Variants in CARS1 observed in about 807,000 individuals in gnomAD.
CARS1 encodes the protein cysteine--tRNA ligase, cytoplasmic.
CARS1 carries 48 observed loss-of-function variants against 106.2 expected under a neutral mutation model. The ratio of observed to expected loss-of-function variants is 0.45; its 90% CI spans 0.36 to 0.57. The LOEUF (loss-of-function observed/expected upper bound fraction) is 0.57. Among genes scored for constraint, CARS1 ranks in the 20% least tolerant of loss-of-function variants. The pLI is 0.00. For missense variants in CARS1, 968 were observed against 1,057.2 expected (o/e 0.92, Z 1.17); for synonymous variants, 409 against 403.4 (o/e 1.01, Z -0.17).
rs1003684581 is a variant in CARS1, at chr11:3,008,561, G to A, written c.2069-1602C>T. On this transcript the variant is annotated intron_variant, in intron 18 of 22. Coordinates refer to ENST00000380525, the MANE Select transcript of CARS1 (RefSeq NM_001014437.3). The surrounding 1 kb of genome is among the most constrained non-coding windows in gnomAD (Gnocchi z 5.1). ...TTGAACCAGGGAGTCGGAGGTTGCA[G>A]TGGGCCAAGATGACACCACTGCACT... The A allele has an allele frequency of 6.6e-6, 1 of 151,426 alleles. No homozygotes were observed. Among genetic ancestry groups the A allele is most frequent in the Non-Finnish European group, 1.5e-5 (1 of 67,980 alleles). The allele number at this position is 151,426 out of a possible 1,614,324, so 9.4% of individuals were successfully genotyped here. A position where few individuals can be genotyped will look rare whatever the true frequency, so the allele number is the denominator to read the frequency against.
In CARS1 at chr11:3,019,611, G is replaced by A. The variant is rs1457234174; in HGVS notation, c.1267-344C>T. On this transcript the variant is annotated intron_variant, in intron 11 of 22. Coordinates refer to ENST00000380525, the MANE Select transcript of CARS1 (RefSeq NM_001014437.3). The surrounding 1 kb of genome is among the most constrained non-coding windows in gnomAD (Gnocchi z 6.2). ...CCCAGCTACTCAGGAGGCTGAGGCAGGAGAATTGCTTGAACCGGGACTAGG... is the reference window on the plus strand; with the variant it reads ...CCCAGCTACTCAGGAGGCTGAGGCAAGAGAATTGCTTGAACCGGGACTAGG... Among the ~76,000 whole-genome samples, 1 of 152,056 alleles carries A rather than the reference G, an allele frequency of 6.6e-6. No individual in the cohort carries two copies. Among genetic ancestry groups the A allele is most frequent in the Non-Finnish European group, 1.5e-5 (1 of 68,012 alleles).
rs140016164 is a variant in CARS1 at position 3,044,482 on chromosome 11, C to T, written c.275-2226G>A. 9.8e-3 allele frequency among the ~76,000 whole-genome samples: 1,487 copies of T among 152,030 alleles called. 2 individuals are homozygous for T. The highest frequency in any genetic ancestry group is 0.029 in the South Asian group (140 of 4,816). On this transcript the variant is annotated intron_variant, in intron 2 of 22. Coordinates refer to ENST00000380525, the MANE Select transcript of CARS1 (RefSeq NM_001014437.3). The surrounding 1 kb of genome is among the most constrained non-coding windows in gnomAD (Gnocchi z 4.4). ...CGCAATCTCAACTCACTGCAACCTC[C>T]GCCTCCTGAGTTCAAGCGATTATCC...
At position 3,037,915 on chromosome 11, in the gene CARS1, A is replaced by T; in HGVS notation, c.801+135T>A. The T allele has an allele frequency of 1.1e-6, 1 of 873,118 alleles. No homozygotes were observed. Among genetic ancestry groups the T allele is most frequent in the Non-Finnish European group, 1.7e-6 (1 of 576,950 alleles). The allele number at this position is 873,118 out of a possible 1,614,324, so 54.1% of individuals were successfully genotyped here. ...CCACCGCAGAACAGGGCCGCCTGCCACAGTGGAGCTACTGGAGACACAGAG... is the reference window on the plus strand; with the variant it reads ...CCACCGCAGAACAGGGCCGCCTGCCTCAGTGGAGCTACTGGAGACACAGAG... On this transcript the variant is annotated intron_variant, in intron 7 of 22. Coordinates refer to ENST00000380525, the MANE Select transcript of CARS1 (RefSeq NM_001014437.3). The surrounding 1 kb of genome is among the most constrained non-coding windows in gnomAD (Gnocchi z 5.9).
At chr11:3,015,560 C>A (rs1850903024) in intron 17 of CARS1, among the ~76,000 whole-genome samples, 1 of 152,232 alleles carries the variant, frequency 6.6e-6, no homozygotes. Context: ...TGGCAAAGTG[C>A]CCCAAACCAA....
In CARS1 at chr11:3,018,754, G is replaced by A. The variant is rs779549395; in HGVS notation, c.1396-5C>T. 4.6e-5 allele frequency: 74 copies of A among 1,612,658 alleles called. No individual in the cohort carries two copies. The highest frequency in any genetic ancestry group is 1.7e-4 in the Middle Eastern group (1 of 6,060). On this transcript the variant is annotated splice_region_variant and splice_polypyrimidine_tract_variant and intron_variant, in intron 12 of 22. Transcript: ENST00000380525. The stretch of plus-strand genomic sequence containing the variant: ...GCAGTCGTTTTCAAAGTAGGCCTGC[G>A]TGGAAAGAGACAAAGGATGTCAACA...
In CARS1 at chr11:3,018,614, G is replaced by A. The variant is rs778423097; in HGVS notation, c.1525+6C>T. ...TGGGGGGTCTGTGGGAGAAGCCAGT[G>A]TATACCTGAGTGCTTTTTCAAGGCA... On this transcript the variant is annotated splice_donor_region_variant and intron_variant, in intron 13 of 22. Coordinates refer to ENST00000380525, the MANE Select transcript of CARS1 (RefSeq NM_001014437.3). The A allele has an allele frequency of 2.5e-6, 4 of 1,614,190 alleles. No homozygotes were observed. The highest frequency in any genetic ancestry group is 3.4e-6 in the Non-Finnish European group (4 of 1,180,020).
rs1407211118 is a variant in CARS1, at chr11:3,048,279, A to T, written c.26-278T>A. ...AGGCTGCATGACAACATCATGCGCC[A>T]AATACCACAGAATTGTGTACTTTTC... On this transcript the variant is annotated intron_variant, in intron 1 of 22. Coordinates refer to ENST00000380525, the MANE Select transcript of CARS1 (RefSeq NM_001014437.3). This position sits in a 1 kb window ranked among gnomAD's most constrained non-coding sequence, Gnocchi z 5.1. 2 of 387,432 alleles carry T rather than the reference A, an allele frequency of 5.2e-6. No individual in the cohort carries two copies. The highest frequency in any genetic ancestry group is 4.0e-5 in the African/African-American group (2 of 50,064). The allele number at this position is 387,432 out of a possible 1,614,324, so 24.0% of individuals were successfully genotyped here.
chr11:3,017,766 C>T lies in CARS1; in HGVS notation c.1727+91G>A, dbSNP rs756515974. 8 of 850,686 alleles carry T rather than the reference C, an allele frequency of 9.4e-6. No individual in the cohort carries two copies. Among genetic ancestry groups the T allele is most frequent in the South Asian group, 5.9e-5 (4 of 68,036 alleles). 52.7% of individuals were successfully genotyped at this position (850,686 alleles called of 1,614,324 possible). ...TACGACAGTGTCCCCAGCCCTTCCT[C>T]GACAGTCCAGGACACATGGTGGCCA... On this transcript the variant is annotated intron_variant, in intron 15 of 22. Coordinates refer to ENST00000380525, the MANE Select transcript of CARS1 (RefSeq NM_001014437.3). The surrounding 1 kb of genome is among the most constrained non-coding windows in gnomAD (Gnocchi z 4.9).
Position 3,017,380 on chromosome 11 carries a change from C to T in CARS1, c.1728-85G>A, listed in dbSNP as rs182424656. The T allele has an allele frequency of 3.3e-4, 411 of 1,231,624 alleles. 1 individual carries two copies. In the East Asian group the frequency reaches 7.2e-3, roughly 22 times the overall value. 76.3% of individuals were successfully genotyped at this position (1,231,624 alleles called of 1,614,324 possible). ...CCATGTGGCCAGGCGCAGTGGCTCA[C>T]GCCTATAATCCCAGCACTTTGGGAG... On this transcript the variant is annotated intron_variant, in intron 15 of 22. Transcript: ENST00000380525. The surrounding 1 kb of genome is among the most constrained non-coding windows in gnomAD (Gnocchi z 4.9).
chr11:3,042,265 C>A lies in CARS1; in HGVS notation c.275-9G>T, dbSNP rs1554977013. 3 of 1,608,058 alleles carry A rather than the reference C, an allele frequency of 1.9e-6. No individual in the cohort carries two copies. Among genetic ancestry groups the A allele is most frequent in the Admixed American group, 1.7e-5 (1 of 59,942 alleles). ...CACACGCCGGCCTTTGCCTGGGAGG[C>A]AGAGAGAGCAGGATCAGGGTCCAGG... is the stretch of plus-strand genomic sequence containing the variant. On this transcript the variant is annotated splice_polypyrimidine_tract_variant and intron_variant, in intron 2 of 22. Coordinates refer to ENST00000380525, the MANE Select transcript of CARS1 (RefSeq NM_001014437.3).
In CARS1 at chr11:3,028,301, C is replaced by A. The variant is rs924687757; in HGVS notation, c.1031+695G>T. The A allele has an allele frequency of 4.9e-5, 26 of 531,782 alleles. No homozygotes were observed. The East Asian group carries it at 1.2e-3, about 25-fold the overall frequency. The allele number at this position is 531,782 out of a possible 1,614,324, so 32.9% of individuals were successfully genotyped here. On this transcript the variant is annotated intron_variant, in intron 9 of 22. Transcript: ENST00000380525. The surrounding 1 kb of genome is among the most constrained non-coding windows in gnomAD (Gnocchi z 4.4). ...TATCAGTGCAGCCTGGCATTCGGGG[C>A]CACTACCGGTCTCCGCGTCTTGGTG...
chr11:3,020,673 G>A lies in CARS1; in HGVS notation c.1154-341C>T, dbSNP rs1851489842. Among the ~76,000 whole-genome samples, 1 of 152,154 alleles carries A rather than the reference G, an allele frequency of 6.6e-6. No individual in the cohort carries two copies. The highest frequency in any genetic ancestry group is 1.9e-4 in the East Asian group (1 of 5,190). On this transcript the variant is annotated intron_variant, in intron 10 of 22. Coordinates refer to ENST00000380525, the MANE Select transcript of CARS1 (RefSeq NM_001014437.3). This position sits in a 1 kb window ranked among gnomAD's most constrained non-coding sequence, Gnocchi z 4.6. ...CTAGGACAAGTGATAAGAACCCTGG[G>A]CTAAAGCTAGGAGGTGACATAGTGG...
rs1163165170 is a variant in CARS1, at chr11:3,046,520, G to A, written c.274+1233C>T. Among the ~76,000 whole-genome samples the A allele has an allele frequency of 6.6e-6, 1 of 152,192 alleles. No homozygotes were observed. Among genetic ancestry groups the A allele is most frequent in the East Asian group, 1.9e-4 (1 of 5,188 alleles). ...CGGCCTCTGCCCTACGCTGGGGAAG[G>A]AGTGTCTGCTGCAGAGTTATCCAGA... On this transcript the variant is annotated intron_variant, in intron 2 of 22. Transcript: ENST00000380525. This position sits in a 1 kb window ranked among gnomAD's most constrained non-coding sequence, Gnocchi z 5.8.
chr11:3,055,144 A>G, intron 1 of CARS1: 1 of 594,666 alleles, frequency 1.7e-6, no homozygotes, highest in Non-Finnish European at 3.0e-6. Flanking sequence ...GAAGATGGTC[A>G]CTGAAAGCAT....
At position 3,034,163 on chromosome 11, in the gene CARS1, T is replaced by C. The variant is rs758601760; in HGVS notation, c.801+3887A>G. ...ATGTAACAGAGATGAATTCGTGTCTTAGTCTGTTTTCTGTTTTTTTGTTTG... is the reference window on the plus strand; with the variant it reads ...ATGTAACAGAGATGAATTCGTGTCTCAGTCTGTTTTCTGTTTTTTTGTTTG... On this transcript the variant is annotated intron_variant, in intron 7 of 22. Coordinates refer to ENST00000380525, the MANE Select transcript of CARS1 (RefSeq NM_001014437.3). This position sits in a 1 kb window ranked among gnomAD's most constrained non-coding sequence, Gnocchi z 6.3. 6.8e-6 allele frequency among the ~76,000 whole-genome samples: 1 copy of C among 147,124 alleles called. No homozygotes were observed. Among genetic ancestry groups the C allele is most frequent in the Non-Finnish European group, 1.5e-5 (1 of 66,102 alleles).
At chr11:3,005,217 C>G (rs1197354929) in intron 20 of CARS1, 149 bp downstream of exon 20, 2 of 548,764 alleles carry the variant, frequency 3.6e-6, no homozygotes, top group East Asian at 6.9e-5. Flanking sequence ...TTAGAAGATA[C>G]TAGTTAATTT....
Position 3,022,418 on chromosome 11 carries a change from C to G in CARS1, c.1154-2086G>C, listed in dbSNP as rs1369896417. Reference sequence around the variant, plus strand: ...ATCACCTGTCCAGAGCAATTAAAAACCCCTCCCCAAATCTCAGGGAGGCGG... The same window carrying G: ...ATCACCTGTCCAGAGCAATTAAAAAGCCCTCCCCAAATCTCAGGGAGGCGG... On this transcript the variant is annotated intron_variant, in intron 10 of 22. Coordinates refer to ENST00000380525, the MANE Select transcript of CARS1 (RefSeq NM_001014437.3). This position sits in a 1 kb window ranked among gnomAD's most constrained non-coding sequence, Gnocchi z 4.9. Among the ~76,000 whole-genome samples the G allele has an allele frequency of 6.6e-6, 1 of 152,268 alleles. No homozygotes were observed. Among genetic ancestry groups the G allele is most frequent in the East Asian group, 1.9e-4 (1 of 5,174 alleles).
Position 3,028,345 on chromosome 11 carries a change from C to A in CARS1, c.1031+651G>T. 2 of 473,412 alleles carry A rather than the reference C, an allele frequency of 4.2e-6. No individual in the cohort carries two copies. The highest frequency in any genetic ancestry group is 3.8e-6 in the Non-Finnish European group (1 of 265,600). 29.3% of individuals were successfully genotyped at this position (473,412 alleles called of 1,614,324 possible). ...CTTGGTGGTAGTGGTCCCCCGGGCC[C>A]AGCTGTCTTCTCTTTTATCTCTTTG... On this transcript the variant is annotated intron_variant, in intron 9 of 22. Coordinates refer to ENST00000380525, the MANE Select transcript of CARS1 (RefSeq NM_001014437.3). This position sits in a 1 kb window ranked among gnomAD's most constrained non-coding sequence, Gnocchi z 4.4.
chr11:3,055,660 AG>A, intron 1 of CARS1, among the ~76,000 whole-genome samples: 1 of 152,382 alleles, frequency 6.6e-6, no homozygotes, highest in South Asian at 2.1e-4. Context: ...AATTCTTACA[AG>A]GCTCTGAAAA....
Sources: gnomAD v4.1 joint callset for allele counts (sites outside exome capture counted in the v4.1 genomes callset) on GRCh38, gnomAD v4.1.1 for gene constraint, Gnocchi (gnomAD v3.1) non-coding constraint, MANE v1.5 for transcripts, NCBI Gene and HGNC (gene_info 2026-07-23, HGNC 2026-07-21) for gene names.